Variants in SIPA1L1 observed in about 807,000 individuals in gnomAD.
SIPA1L1 encodes the protein signal-induced proliferation-associated 1-like protein 1.
A neutral mutation model predicts 162.7 loss-of-function variants in SIPA1L1; 26 were observed. The ratio of observed to expected loss-of-function variants is 0.16; its 90% CI spans 0.12 to 0.22. The LOEUF is 0.22. Ranked by LOEUF, SIPA1L1 falls within the 10% of genes least tolerant of loss-of-function variation. The pLI is 1.00. For synonymous variants in SIPA1L1, 829 were observed against 837.4 expected (o/e 0.99, Z 0.17); for missense variants, 1,874 against 2,241.0 (o/e 0.84, Z 3.31).
At chr14:71,522,471 G>A (rs1416226794) in intron 3 of SIPA1L1, among the ~76,000 whole-genome samples, 2 of 152,064 alleles carry the variant, frequency 1.3e-5, no homozygotes, top group Non-Finnish European at 2.9e-5. Context: ...TCAGATTTTG[G>A]AATATTTGTA....
chr14:71,350,106 C>G (rs1009643741), intron 2 of SIPA1L1, among the ~76,000 whole-genome samples: 13 of 152,144 alleles, frequency 8.5e-5, no homozygotes, highest in African/African-American at 3.1e-4. Flanking sequence ...AGTGGGAGGT[C>G]TCGAACTCCT....
intron 7 of SIPA1L1, among the ~76,000 whole-genome samples, chr14:71,638,873 A>G (rs556858540): frequency 6.6e-6 from 1 of 152,364 alleles, no homozygotes; most frequent in African/African-American, 2.4e-5. Flanking sequence ...CACTGAAATT[A>G]AAATACACCA....
At chr14:71,737,765 G>A (rs940069837) in intron 22 of SIPA1L1, among the ~76,000 whole-genome samples, 8 of 152,208 alleles carry the variant, frequency 5.3e-5, no homozygotes, top group African/African-American at 1.9e-4. Flanking sequence ...GCAATTGCAT[G>A]AGTAGCTAAG....
chr14:71,469,669 G>A (rs532648800), intron 2 of SIPA1L1, among the ~76,000 whole-genome samples: 2 of 152,304 alleles, frequency 1.3e-5, no homozygotes, highest in Admixed American at 1.3e-4. Flanking sequence ...TACAGTGTGG[G>A]ATTGGTCCCC....
intron 2 of SIPA1L1, among the ~76,000 whole-genome samples, chr14:71,472,089 A>T (rs2047505870): frequency 2.0e-5 from 3 of 152,100 alleles, no homozygotes; most frequent in Admixed American, 2.0e-4. Context: ...CTCTTCAGGG[A>T]CCACCTCCTC....
At chr14:71,461,406 G>C (rs980499412) in intron 2 of SIPA1L1, among the ~76,000 whole-genome samples, 7 of 152,194 alleles carry the variant, frequency 4.6e-5, no homozygotes, top group African/African-American at 1.7e-4. Flanking sequence ...CCCATTGGGT[G>C]ATGACGGGTG....
intron 13 of SIPA1L1, among the ~76,000 whole-genome samples, chr14:71,692,005 A>G (rs542391068): frequency 4.6e-5 from 7 of 152,270 alleles, no homozygotes; most frequent in Admixed American, 1.3e-4. Flanking sequence ...TAGGCTCCCA[A>G]TGCTTTTTTT....
chr14:71,649,189 A>ATTTT (rs576399247), intron 7 of SIPA1L1, among the ~76,000 whole-genome samples: 4 of 131,152 alleles, frequency 3.0e-5, no homozygotes, highest in Non-Finnish European at 3.3e-5. Context: ...TCAAAGTCCA[A>ATTTT]TTTTTTTTTT....
intron 5 of SIPA1L1, among the ~76,000 whole-genome samples, chr14:71,591,299 A>C (rs1339924864): frequency 1.1e-5 from 1 of 90,196 alleles, no homozygotes; most frequent in South Asian, 4.5e-4. Flanking sequence ...TTTCCAGTTG[A>C]GAAAACTGGA....
At chr14:71,528,366 A>G (rs539911167) in intron 3 of SIPA1L1, among the ~76,000 whole-genome samples, 22 of 152,106 alleles carry the variant, frequency 1.4e-4, no homozygotes, top group South Asian at 1.0e-3. Context: ...TAATAATTCT[A>G]TTTTTCAGCT....
At position 71,383,798 on chromosome 14, in the gene SIPA1L1, G is replaced by A. The variant is rs1354245850; in HGVS notation, c.-465+62617G>A. The stretch of plus-strand genomic sequence containing the variant: ...GGGGATGGTGCTAATCCATCATGAG[G>A]GATCTGCCTCCATGATCTAGTACCT... On this transcript the variant is annotated intron_variant, in intron 2 of 23. Transcript: ENST00000381232. 2.6e-5 allele frequency among the ~76,000 whole-genome samples: 4 copies of A among 152,200 alleles called. No individual in the cohort carries two copies. In the East Asian group the frequency reaches 7.7e-4, roughly 29 times the overall value.
intron 4 of SIPA1L1, among the ~76,000 whole-genome samples, chr14:71,558,910 C>T (rs1243177015): frequency 1.3e-5 from 2 of 152,164 alleles, no homozygotes; most frequent in Non-Finnish European, 2.9e-5. Context: ...TCTCAAGCTC[C>T]TGGCCTCAAG....
chr14:71,641,498 A>G lies in SIPA1L1; in HGVS notation c.1819-8837A>G, dbSNP rs1051549387. Among the ~76,000 whole-genome samples, 3 of 152,126 alleles carry G rather than the reference A, an allele frequency of 2.0e-5. No individual in the cohort carries two copies. The East Asian group carries it at 5.8e-4, about 29-fold the overall frequency. ...AGCACTTTGGGAGGCCGAGGCGGGC[A>G]GATCACGAGGTCAGGAGATCGAGAC... On this transcript the variant is annotated intron_variant, in intron 7 of 23. Coordinates refer to ENST00000381232, the MANE Select transcript of SIPA1L1 (RefSeq NM_001386936.1).
At chr14:71,324,474 T>G (rs2033553106) in intron 2 of SIPA1L1, among the ~76,000 whole-genome samples, 4 of 152,212 alleles carry the variant, frequency 2.6e-5, no homozygotes, top group Admixed American at 2.6e-4. Context: ...TTATTAAATA[T>G]CCAAAATGAG....
chr14:71,352,169 A>C (rs1376206303), intron 2 of SIPA1L1, among the ~76,000 whole-genome samples: 2 of 152,026 alleles, frequency 1.3e-5, no homozygotes, highest in African/African-American at 2.4e-5. Context: ...GCACAAATGT[A>C]CCATGGGATG....
intron 2 of SIPA1L1, among the ~76,000 whole-genome samples, chr14:71,436,151 A>C (rs1371510194): frequency 4.6e-5 from 7 of 152,212 alleles, no homozygotes; most frequent in Admixed American, 4.6e-4. Flanking sequence ...TGACTCTGCC[A>C]ATTTATCTAT....
chr14:71,677,773 C>T (rs915317471), intron 12 of SIPA1L1, among the ~76,000 whole-genome samples: 2 of 152,150 alleles, frequency 1.3e-5, no homozygotes, highest in Non-Finnish European at 2.9e-5. Flanking sequence ...TGTCAAAGAT[C>T]AGATGGTTGT....
chr14:71,661,486 G>A lies in SIPA1L1; in HGVS notation c.2255+19G>A. On this transcript the variant is annotated intron_variant, in intron 10 of 23. Transcript: ENST00000381232. ...GTTATAGGTGTGTATGGGTGTCACA[G>A]CAGGGGCTCTGTGGATGTTGGCTGG... 6.2e-7 allele frequency: 1 copy of A among 1,605,064 alleles called. No individual in the cohort carries two copies. The highest frequency in any genetic ancestry group is 8.5e-7 in the Non-Finnish European group (1 of 1,173,710).
chr14:71,420,985 A>G (rs1464035113), intron 2 of SIPA1L1, among the ~76,000 whole-genome samples: 1 of 152,118 alleles, frequency 6.6e-6, no homozygotes, highest in African/African-American at 2.4e-5. Context: ...GTCTCTTTTA[A>G]GTCTTTCTTA....
Sources: allele counts gnomAD v4.1 joint callset (sites outside exome capture counted in the v4.1 genomes callset), GRCh38; gene constraint gnomAD v4.1.1; transcripts MANE v1.5; gene names NCBI Gene and HGNC (gene_info 2026-07-23, HGNC 2026-07-21).